The following SENP7 variants were observed in gnomAD, a reference collection of about 807,000 sequenced individuals.
SENP7 encodes sentrin-specific protease 7.
In SENP7, 64 loss-of-function variants were observed where a neutral mutation model predicts 141.2. The observed-to-expected ratio is 0.45, with a 90% confidence interval of 0.37 to 0.56. The LOEUF (loss-of-function observed/expected upper bound fraction) is 0.56. Ranked by LOEUF, SENP7 falls within the 20% of genes least tolerant of loss-of-function variation. SENP7 has a pLI of 0.00. For synonymous variants in SENP7, 382 were observed against 426.4 expected, an observed-to-expected ratio of 0.90 and a Z score of 1.28; for missense variants, 1,025 against 1,212.2, an observed-to-expected ratio of 0.85 and a Z score of 2.29.
intron 1 of SENP7, among the ~76,000 whole-genome samples, chr3:101,506,899 G>GT (rs931849050): frequency 2.0e-5 from 3 of 151,924 alleles, no homozygotes; most frequent in East Asian, 1.9e-4. Context: ...GAAAAACTAA[G>GT]TTTTTTTAAA....
chr3:101,450,911 AT>A (rs2063109438), intron 4 of SENP7, among the ~76,000 whole-genome samples: 3 of 152,214 alleles, frequency 2.0e-5, no homozygotes, highest in African/African-American at 2.4e-5. Flanking sequence ...TTCAAAAAAA[AT>A]AAATGAATCC....
chr3:101,512,578 G>A (rs567593245), intron 1 of SENP7, among the ~76,000 whole-genome samples: 6 of 152,296 alleles, frequency 3.9e-5, no homozygotes, highest in African/African-American at 1.4e-4. Context: ...AACGAGACCC[G>A]GAGAGGCATT....
chr3:101,483,064 A>C (rs1298311045), intron 3 of SENP7, among the ~76,000 whole-genome samples: 5 of 152,236 alleles, frequency 3.3e-5, no homozygotes, highest in African/African-American at 1.2e-4. Flanking sequence ...AAATAGACCT[A>C]CCATTTGAAC....
At chr3:101,405,116 A>G (rs984819642) in intron 5 of SENP7, among the ~76,000 whole-genome samples, 1 of 152,112 alleles carries the variant, frequency 6.6e-6, no homozygotes, top group African/African-American at 2.4e-5. Flanking sequence ...CTCCAGAACA[A>G]CTGCAGGAAT....
At chr3:101,477,653 C>T (rs1440688078) in intron 3 of SENP7, among the ~76,000 whole-genome samples, 2 of 151,952 alleles carry the variant, frequency 1.3e-5, no homozygotes, top group Non-Finnish European at 2.9e-5. Context: ...GAGTTTGAGA[C>T]CAACCTGGTT....
At chr3:101,499,438 G>A (rs541798050) in intron 2 of SENP7, among the ~76,000 whole-genome samples, 174 of 151,966 alleles carry the variant, frequency 1.1e-3, no homozygotes, top group African/African-American at 3.8e-3. Context: ...GCGCAATCTC[G>A]GCTCACTGCA....
At chr3:101,346,685 T>C (rs1309175498) in intron 13 of SENP7, among the ~76,000 whole-genome samples, 1 of 151,842 alleles carries the variant, frequency 6.6e-6, no homozygotes, top group African/African-American at 2.4e-5. Context: ...ATGTTCTCAG[T>C]TATAAGTGGG....
chr3:101,454,800 T>C (rs957208588), intron 4 of SENP7, among the ~76,000 whole-genome samples: 13 of 152,186 alleles, frequency 8.5e-5, no homozygotes, highest in African/African-American at 1.9e-4. Context: ...TCAAATCTTA[T>C]AGAGACAGAA....
At chr3:101,412,163 T>C (rs1481046877) in intron 5 of SENP7, among the ~76,000 whole-genome samples, 1 of 152,124 alleles carries the variant, frequency 6.6e-6, no homozygotes. Flanking sequence ...AAAGATAACA[T>C]AATTATATCC....
At chr3:101,378,738 T>A (rs1188989386) in intron 6 of SENP7, among the ~76,000 whole-genome samples, 2 of 151,752 alleles carry the variant, frequency 1.3e-5, no homozygotes, top group African/African-American at 4.8e-5. Flanking sequence ...GCCCAAAAAA[T>A]AACACCTAGG....
chr3:101,431,508 C>CTTTTTTTTTT (rs56937965), intron 4 of SENP7, among the ~76,000 whole-genome samples: 1 of 82,904 alleles, frequency 1.2e-5, no homozygotes, highest in Non-Finnish European at 2.2e-5. Flanking sequence ...GCAACCCCTG[C>CTTTTTTTTTT]TTTTTTTTTT....
intron 12 of SENP7, among the ~76,000 whole-genome samples, chr3:101,350,148 T>G (rs1258823253): frequency 6.6e-6 from 1 of 152,124 alleles, no homozygotes; most frequent in Non-Finnish European, 1.5e-5. Flanking sequence ...AACTTGAGGA[T>G]GCAAGTCATA....
Position 101,513,191 on chromosome 3 carries a change from G to C in SENP7, c.-61C>G. On this transcript the variant is annotated 5_prime_UTR_variant, in exon 1 of 24. Transcript: ENST00000394095. Reference sequence around the variant, plus strand: ...GTCACCTCAGGACCCCTCCGGCTTGGAGAGGGAGGGGGAGGGGAAAGGAAA... The same window carrying C: ...GTCACCTCAGGACCCCTCCGGCTTGCAGAGGGAGGGGGAGGGGAAAGGAAA... The C allele has an allele frequency of 1.6e-5, 11 of 683,520 alleles. No homozygotes were observed. Among genetic ancestry groups the C allele is most frequent in the Middle Eastern group, 3.3e-4 (1 of 3,050 alleles). 42.3% of individuals were successfully genotyped at this position (683,520 alleles called of 1,614,324 possible).
intron 5 of SENP7, among the ~76,000 whole-genome samples, chr3:101,411,057 T>C (rs1379342530): frequency 6.6e-6 from 1 of 152,044 alleles, no homozygotes; most frequent in Non-Finnish European, 1.5e-5. Flanking sequence ...TACCACCTTA[T>C]AACTATAAAT....
At chr3:101,347,837 G>C (rs1316396661) in intron 13 of SENP7, 35 bp downstream of exon 13, 1 of 1,100,842 alleles carries the variant, frequency 9.1e-7, no homozygotes, top group East Asian at 2.9e-5. Context: ...ACAATTTCAA[G>C]TTATCCTGAA....
At chr3:101,346,843 C>T (rs1025619905) in intron 13 of SENP7, among the ~76,000 whole-genome samples, 3 of 151,604 alleles carry the variant, frequency 2.0e-5, no homozygotes, top group African/African-American at 7.3e-5. Flanking sequence ...TAATATCTCA[C>T]AAATTACCAC....
intron 3 of SENP7, among the ~76,000 whole-genome samples, chr3:101,491,821 G>C (rs769944727): frequency 1.3e-5 from 2 of 152,192 alleles, no homozygotes; most frequent in Non-Finnish European, 2.9e-5. Flanking sequence ...GTCGGGCACG[G>C]TGCCTCATGC....
chr3:101,479,892 CAAAAAAA>C (rs1168285268), intron 3 of SENP7, among the ~76,000 whole-genome samples: 97 of 7,348 alleles, frequency 0.013, no homozygotes, highest in Non-Finnish European at 0.019. Context: ...ACAACAGCTA[CAAAAAAA>C]AAAAAAAAAA....
At chr3:101,493,697 A>C (rs563503619) in intron 3 of SENP7, among the ~76,000 whole-genome samples, 176 bp downstream of exon 3, 1 of 152,322 alleles carries the variant, frequency 6.6e-6, no homozygotes, top group East Asian at 1.9e-4. Context: ...TTAAACGAAG[A>C]GCCTAACCTC....
Sources: gnomAD v4.1 joint callset for allele counts (sites outside exome capture counted in the v4.1 genomes callset) on GRCh38, gnomAD v4.1.1 for gene constraint, MANE v1.5 for transcripts, NCBI Gene and HGNC (gene_info 2026-07-23, HGNC 2026-07-21) for gene names.